Variants in GPR39 observed in about 807,000 individuals in gnomAD.
The protein encoded by GPR39 is G protein-coupled receptor 39.
In GPR39, 23 loss-of-function variants were observed where a neutral mutation model predicts 18.4. The ratio of observed to expected loss-of-function variants is 1.25; its 90% CI spans 0.90 to 1.77. GPR39 has a LOEUF of 1.77. Ranked by LOEUF, GPR39 falls within the 40% of genes most tolerant of loss-of-function variation. The pLI is 0.00. For missense variants in GPR39, 647 were observed against 602.4 expected (o/e 1.07, Z -0.78); for synonymous variants, 280 against 257.9 (o/e 1.09, Z -0.82).
Position 132,490,625 on chromosome 2 carries a change from C to T in GPR39, c.856+72727C>T, listed in dbSNP as rs527513397. On this transcript the variant is annotated intron_variant, in intron 1 of 1. Coordinates refer to ENST00000329321, the MANE Select transcript of GPR39 (RefSeq NM_001508.3). ...GCTACAAAGAACAAGCATTAAGTGA[C>T]CTGGGAATGTGAGGCAGGAGGGGGA... 4.6e-5 allele frequency among the ~76,000 whole-genome samples: 7 copies of T among 151,920 alleles called. No homozygotes were observed. The East Asian group carries it at 1.4e-3, about 29-fold the overall frequency.
chr2:132,539,148 T>G (rs1679814533), intron 1 of GPR39, among the ~76,000 whole-genome samples: 1 of 152,022 alleles, frequency 6.6e-6, no homozygotes, highest in African/African-American at 2.4e-5. Flanking sequence ...GCCCAAACAG[T>G]GGTCTATTTT....
rs1682080176 is a variant in GPR39, at chr2:132,646,394, A to G, written c.*788A>G. 2 of 596,822 alleles carry G rather than the reference A, an allele frequency of 3.4e-6. No individual in the cohort carries two copies. Among genetic ancestry groups the G allele is most frequent in the South Asian group, 9.4e-5 (2 of 21,200 alleles). 37.0% of individuals were successfully genotyped at this position (596,822 alleles called of 1,614,324 possible). ...TCCTTACTCCTCCCACAGCCCAGAG[A>G]CTAGGTGAGGTCAGGGAAGTGCTTC... On this transcript the variant is annotated 3_prime_UTR_variant, in exon 2 of 2. Transcript: ENST00000329321.
intron 1 of GPR39, among the ~76,000 whole-genome samples, chr2:132,485,148 G>T (rs1180622270): frequency 1.3e-5 from 2 of 152,176 alleles, no homozygotes; most frequent in African/African-American, 4.8e-5. Context: ...AAAATTTTTG[G>T]TTTCCCAGTG....
intron 1 of GPR39, among the ~76,000 whole-genome samples, chr2:132,587,296 T>C (rs1680746247): frequency 6.6e-6 from 1 of 152,192 alleles, no homozygotes; most frequent in Admixed American, 6.5e-5. Context: ...TACAGCACAT[T>C]AGGAGATCTG....
intron 1 of GPR39, among the ~76,000 whole-genome samples, chr2:132,592,033 C>A (rs913912201): frequency 6.6e-6 from 1 of 152,098 alleles, no homozygotes; most frequent in African/African-American, 2.4e-5. Flanking sequence ...TAAACAGGGT[C>A]TTTTTCATTT....
intron 1 of GPR39, among the ~76,000 whole-genome samples, chr2:132,476,383 C>T (rs1468829510): frequency 6.6e-6 from 1 of 152,018 alleles, no homozygotes; most frequent in Non-Finnish European, 1.5e-5. Flanking sequence ...CGCCTGTAAT[C>T]CCAGCACTTT....
intron 1 of GPR39, among the ~76,000 whole-genome samples, chr2:132,606,741 G>C (rs963754292): frequency 6.6e-6 from 1 of 152,202 alleles, no homozygotes; most frequent in Non-Finnish European, 1.5e-5. Flanking sequence ...TGAGTGCAAG[G>C]TTTTATTGAG....
intron 1 of GPR39, among the ~76,000 whole-genome samples, chr2:132,487,235 A>T (rs1185592681): frequency 6.6e-6 from 1 of 152,216 alleles, no homozygotes; most frequent in Non-Finnish European, 1.5e-5. Flanking sequence ...AGATCACCAT[A>T]ACAGATATAG....
Position 132,472,829 on chromosome 2 carries a change from T to A in GPR39, c.856+54931T>A, listed in dbSNP as rs576692051. ...TTGTAATGGAGGTCATACAGTCTAG[T>A]GTTTCAAGGTCAAATGTTAGTTTCA... On this transcript the variant is annotated intron_variant, in intron 1 of 1. Coordinates refer to ENST00000329321, the MANE Select transcript of GPR39 (RefSeq NM_001508.3). Among the ~76,000 whole-genome samples the A allele has an allele frequency of 2.6e-5, 4 of 152,276 alleles. No homozygotes were observed. The East Asian group carries it at 7.7e-4, about 29-fold the overall frequency.
intron 1 of GPR39, among the ~76,000 whole-genome samples, chr2:132,502,142 T>G (rs1190382304): frequency 6.6e-6 from 1 of 152,126 alleles, no homozygotes; most frequent in Non-Finnish European, 1.5e-5. Context: ...GAATACCTTA[T>G]TTTTTCATTG....
chr2:132,614,624 C>T (rs1391185203), intron 1 of GPR39, among the ~76,000 whole-genome samples: 3 of 151,886 alleles, frequency 2.0e-5, no homozygotes, highest in Non-Finnish European at 4.4e-5. Flanking sequence ...TGTCTCGGCT[C>T]ACTGCAACCT....
chr2:132,438,506 G>T (rs990422306), intron 1 of GPR39, among the ~76,000 whole-genome samples: 1 of 151,250 alleles, frequency 6.6e-6, no homozygotes, highest in East Asian at 2.0e-4. Context: ...TTAGGTCAGG[G>T]GTTAGCAAAT....
intron 1 of GPR39, among the ~76,000 whole-genome samples, chr2:132,459,494 C>T (rs1329076159): frequency 6.6e-6 from 1 of 152,300 alleles, no homozygotes; most frequent in East Asian, 1.9e-4. Context: ...TCAGATTCCA[C>T]ACTGGGTGTA....
intron 1 of GPR39, among the ~76,000 whole-genome samples, chr2:132,533,264 A>G (rs1349748896): frequency 6.6e-6 from 1 of 152,074 alleles, no homozygotes; most frequent in Admixed American, 6.6e-5. Flanking sequence ...AAGAGAATAA[A>G]ATTCCTAGGA....
At chr2:132,611,348 C>T (rs1383440723) in intron 1 of GPR39, among the ~76,000 whole-genome samples, 1 of 152,108 alleles carries the variant, frequency 6.6e-6, no homozygotes, top group African/African-American at 2.4e-5. Context: ...GATTAATGGC[C>T]AAGTTGGCAT....
intron 1 of GPR39, among the ~76,000 whole-genome samples, chr2:132,477,008 T>C (rs1321078445): frequency 6.6e-6 from 1 of 152,216 alleles, no homozygotes; most frequent in East Asian, 1.9e-4. Context: ...TGCCTCTGGC[T>C]GTGGTGGGCT....
intron 1 of GPR39, among the ~76,000 whole-genome samples, chr2:132,460,045 A>G (rs945762141): frequency 3.3e-5 from 5 of 152,186 alleles, no homozygotes; most frequent in African/African-American, 1.2e-4. Context: ...ACTGCTTCCT[A>G]AGTAGAAGCA....
At chr2:132,535,393 C>G (rs940786215) in intron 1 of GPR39, among the ~76,000 whole-genome samples, 2 of 152,154 alleles carry the variant, frequency 1.3e-5, no homozygotes, top group African/African-American at 4.8e-5. Flanking sequence ...GTTGAACCAG[C>G]CTTGCATCTC....
chr2:132,564,829 T>TTTTTTTTTTTTTTTG (rs1453758658), intron 1 of GPR39, among the ~76,000 whole-genome samples: 1 of 142,006 alleles, frequency 7.0e-6, no homozygotes, highest in Non-Finnish European at 1.5e-5. Flanking sequence ...TTTTTTTTTT[T>TTTTTTTTTTTTTTTG]TTGTTGAGAC....
Sources: gnomAD v4.1 joint callset for allele counts (sites outside exome capture counted in the v4.1 genomes callset) on GRCh38, gnomAD v4.1.1 for gene constraint, MANE v1.5 for transcripts, NCBI Gene and HGNC (gene_info 2026-07-23, HGNC 2026-07-21) for gene names.